ANKRD29: variants seen among roughly 807,000 people sequenced by gnomAD.
The protein encoded by ANKRD29 is ankyrin repeat domain-containing protein 29.
A neutral mutation model predicts 38.0 loss-of-function variants in ANKRD29; 32 were observed. The ratio of observed to expected loss-of-function variants is 0.84; its 90% CI spans 0.64 to 1.13. The LOEUF (loss-of-function observed/expected upper bound fraction) is 1.13. Ranked by LOEUF, ANKRD29 falls within the 50% of genes most tolerant of loss-of-function variation. The pLI, the probability that ANKRD29 is intolerant of heterozygous loss-of-function variation, is 0.00. For synonymous variants in ANKRD29, 135 were observed against 152.4 expected, an observed-to-expected ratio of 0.89 and a Z score of 0.84; for missense variants, 357 against 377.9, an observed-to-expected ratio of 0.94 and a Z score of 0.46.
chr18:23,620,651 T>C (rs1197404360), intron 6 of ANKRD29, among the ~76,000 whole-genome samples: 1 of 152,126 alleles, frequency 6.6e-6, no homozygotes, highest in African/African-American at 2.4e-5. Flanking sequence ...AGGTCAGTTA[T>C]GGGGAATTCC....
rs761198472 is a variant in ANKRD29, at chr18:23,619,474, C to T, written c.627+57G>A. 4.6e-4 allele frequency: 686 copies of T among 1,487,210 alleles called. 1 individual carries two copies. Among genetic ancestry groups the T allele is most frequent in the Non-Finnish European group, 5.7e-4 (639 of 1,121,304 alleles). The allele number at this position is 1,487,210 out of a possible 1,614,324, so 92.1% of individuals were successfully genotyped here. A position where few individuals can be genotyped will look rare whatever the true frequency, so the allele number is the denominator to read the frequency against. The stretch of plus-strand genomic sequence containing the variant: ...TGCAGACTCAGTCAAGACCCGTTTT[C>T]TCCACACAGGCGCGCCGGGAGGCTT... On this transcript the variant is annotated intron_variant, in intron 7 of 9. Coordinates refer to ENST00000592179, the MANE Select transcript of ANKRD29 (RefSeq NM_173505.4).
At chr18:23,636,989 C>T (rs188550110) in intron 4 of ANKRD29, among the ~76,000 whole-genome samples, 2 of 152,214 alleles carry the variant, frequency 1.3e-5, no homozygotes, top group African/African-American at 4.8e-5. Context: ...CTCTCTTCTT[C>T]CCATGGAAAG....
Position 23,662,862 on chromosome 18 carries a change from C to G in ANKRD29, c.-132G>C. 1 of 856,326 alleles carries G rather than the reference C, an allele frequency of 1.2e-6. No homozygotes were observed. The highest frequency in any genetic ancestry group is 1.4e-6 in the Non-Finnish European group (1 of 692,990). The allele number at this position is 856,326 out of a possible 1,614,324, so 53.0% of individuals were successfully genotyped here. On this transcript the variant is annotated 5_prime_UTR_variant, in exon 1 of 10. Coordinates refer to ENST00000592179, the MANE Select transcript of ANKRD29 (RefSeq NM_173505.4). ...CTCCGACGCCGCGCGCTCCCGCCGC[C>G]CGGCCCGGCAGCAGCCGCCGCACAC...
At chr18:23,604,624 C>T (rs541826819) in intron 9 of ANKRD29, among the ~76,000 whole-genome samples, 2 of 151,928 alleles carry the variant, frequency 1.3e-5, no homozygotes, top group Admixed American at 6.6e-5. Flanking sequence ...TCCGCCTCCC[C>T]GGTTCAAGCG....
chr18:23,615,041 AG>A (rs2059693335), intron 8 of ANKRD29, among the ~76,000 whole-genome samples: 1 of 152,226 alleles, frequency 6.6e-6, no homozygotes, highest in South Asian at 2.1e-4. Flanking sequence ...ATTTTTGCAG[AG>A]GCAGGGTTTC....
chr18:23,603,842 ACTT>A (rs1481050042), intron 9 of ANKRD29, among the ~76,000 whole-genome samples: 12 of 150,870 alleles, frequency 8.0e-5, no homozygotes, highest in South Asian at 4.2e-4. Flanking sequence ...TGCCATGTTT[ACTT>A]CTTTTTTTTT....
At position 23,599,869 on chromosome 18, in the gene ANKRD29, A is replaced by T. The variant is rs1207373110; in HGVS notation, c.*1357T>A. The T allele has an allele frequency of 6.6e-6, 1 of 152,218 alleles. No homozygotes were observed. The highest frequency in any genetic ancestry group is 2.4e-5 in the African/African-American group (1 of 41,472). 9.4% of individuals were successfully genotyped at this position (152,218 alleles called of 1,614,324 possible). The stretch of plus-strand genomic sequence containing the variant: ...GAAGATTATATTCTATTATTTACTG[A>T]ATTAAAGATAATCCTTTTAGTAACT... On this transcript the variant is annotated 3_prime_UTR_variant, in exon 10 of 10. Coordinates refer to ENST00000592179, the MANE Select transcript of ANKRD29 (RefSeq NM_173505.4).
intron 1 of ANKRD29, among the ~76,000 whole-genome samples, chr18:23,653,337 G>A (rs1310158752): frequency 3.3e-5 from 5 of 149,854 alleles, no homozygotes; most frequent in Admixed American, 6.7e-5. Context: ...TGTAACCTCC[G>A]TCTCCTGGGT....
chr18:23,626,882 C>A (rs2059868700), intron 6 of ANKRD29, among the ~76,000 whole-genome samples: 1 of 152,208 alleles, frequency 6.6e-6, no homozygotes, highest in South Asian at 2.1e-4. Context: ...GTCAGTGCAA[C>A]AATTACAAAT....
intron 3 of ANKRD29, among the ~76,000 whole-genome samples, chr18:23,645,918 G>A (rs527471698): frequency 2.4e-4 from 36 of 151,974 alleles, no homozygotes; most frequent in Non-Finnish European, 5.0e-4. Context: ...ATAAAGAACT[G>A]ATTTAAGCTT....
In ANKRD29 at chr18:23,619,974, C is replaced by G. The variant is rs2059776203; in HGVS notation, c.529-345G>C. On this transcript the variant is annotated intron_variant, in intron 6 of 9. Coordinates refer to ENST00000592179, the MANE Select transcript of ANKRD29 (RefSeq NM_173505.4). The stretch of plus-strand genomic sequence containing the variant: ...ATGCGTGGGAACCTTGCTTTGAAGG[C>G]TTGGGGGAGCAGCTGACCTGTATAC... 2.1e-5 allele frequency: 6 copies of G among 285,676 alleles called. No individual in the cohort carries two copies. The South Asian group carries it at 3.4e-4, about 16-fold the overall frequency. 17.7% of individuals were successfully genotyped at this position (285,676 alleles called of 1,614,324 possible).
chr18:23,655,246 G>A (rs114960451), intron 1 of ANKRD29, among the ~76,000 whole-genome samples: 2,641 of 150,928 alleles, frequency 0.017, 24 homozygotes, highest in Middle Eastern at 0.068. Context: ...GCCATGACAG[G>A]AAGGGAGGTC....
At chr18:23,650,462 C>T (rs960119421) in intron 1 of ANKRD29, among the ~76,000 whole-genome samples, 1 of 152,140 alleles carries the variant, frequency 6.6e-6, no homozygotes, top group African/African-American at 2.4e-5. Context: ...TATTTTAAAG[C>T]TACAAAGTTA....
intron 6 of ANKRD29, chr18:23,619,882 C>A: frequency 2.1e-6 from 1 of 467,836 alleles, no homozygotes; most frequent in Non-Finnish European, 3.8e-6. Flanking sequence ...CAAATTTTGG[C>A]TTATAAAATC....
intron 5 of ANKRD29, among the ~76,000 whole-genome samples, chr18:23,632,548 T>TATATATATATA (rs1555655824): frequency 1.4e-5 from 2 of 148,118 alleles, no homozygotes; most frequent in African/African-American, 5.0e-5. Flanking sequence ...TATATATATA[T>TATATATATATA]TACACACTCT....
intron 9 of ANKRD29, 25 bp downstream of exon 9, chr18:23,612,067 A>T: frequency 6.2e-7 from 1 of 1,606,888 alleles, no homozygotes; most frequent in Non-Finnish European, 8.5e-7. Flanking sequence ...GGCCCAAACG[A>T]GTTAAAAGAT....
chr18:23,603,718 T>C lies in ANKRD29; in HGVS notation c.823-2409A>G, dbSNP rs1231111182. Among the ~76,000 whole-genome samples the C allele has an allele frequency of 2.6e-5, 4 of 152,202 alleles. No homozygotes were observed. The East Asian group carries it at 7.7e-4, about 29-fold the overall frequency. ...GTTAAGGTCATAGTGGTAGATACCT[T>C]GTTCTTTCAAGTAAAAATAGTGATC... On this transcript the variant is annotated intron_variant, in intron 9 of 9. Coordinates refer to ENST00000592179, the MANE Select transcript of ANKRD29 (RefSeq NM_173505.4).
rs764837131 is a variant in ANKRD29 at position 23,649,131 on chromosome 18, C to T, written c.84G>A (p.Leu28=). 3.7e-6 allele frequency: 6 copies of T among 1,614,228 alleles called. No individual in the cohort carries two copies. In the East Asian group the frequency reaches 1.3e-4, roughly 36 times the overall value. Residue 28 remains leucine, a synonymous_variant, in exon 2 of 10, where the codon CTG becomes CTA. Coordinates refer to ENST00000592179, the MANE Select transcript of ANKRD29 (RefSeq NM_173505.4). ...CCCGGCCGCTGTTCAACAGCAGCTTCAGCAGCGCCAGGTTTCCTCTCCTGG... is the reference window on the plus strand; with the variant it reads ...CCCGGCCGCTGTTCAACAGCAGCTTTAGCAGCGCCAGGTTTCCTCTCCTGG... ...WAARRGNLAL[L]KLLLNSGRVD... is the part of the protein sequence containing the mutation.
chr18:23,639,827 C>T (rs939319771), intron 3 of ANKRD29, among the ~76,000 whole-genome samples: 2 of 152,168 alleles, frequency 1.3e-5, no homozygotes, highest in African/African-American at 4.8e-5. Context: ...TGAGCCACTG[C>T]ACCCAGCCTG....
Sources: gnomAD v4.1 joint callset for allele counts (sites outside exome capture counted in the v4.1 genomes callset) on GRCh38, gnomAD v4.1.1 for gene constraint, MANE v1.5 for transcripts, NCBI Gene and HGNC (gene_info 2026-07-23, HGNC 2026-07-21) for gene names.